Variants in UBR2 observed in about 807,000 individuals in gnomAD.
UBR2 encodes the protein ubiquitin protein ligase E3 component n-recognin 2.
In UBR2, 92 loss-of-function variants were observed where a neutral mutation model predicts 247.9. That is an observed-to-expected ratio of 0.37 (90% CI 0.31 to 0.44). The LOEUF (loss-of-function observed/expected upper bound fraction) is 0.44. Ranked by LOEUF, UBR2 falls within the 20% of genes least tolerant of loss-of-function variation. The probability of loss-of-function intolerance (pLI) is 1.00; values close to 1 mark genes in which losing one functional copy is unlikely to be tolerated. For synonymous variants in UBR2, 672 were observed against 693.5 expected (o/e 0.97, Z 0.49); for missense variants, 1,613 against 2,112.6 (o/e 0.76, Z 4.64).
At chr6:42,638,007 A>G (rs115210255) in intron 15 of UBR2, among the ~76,000 whole-genome samples, 2,805 of 152,286 alleles carry the variant, frequency 0.018, 47 homozygotes, top group Non-Finnish European at 0.03. Flanking sequence ...TCAGTAGCTT[A>G]ATGTGATGTG....
At chr6:42,569,274 A>C (rs187735831) in intron 1 of UBR2, among the ~76,000 whole-genome samples, 96 of 152,268 alleles carry the variant, frequency 6.3e-4, no homozygotes, top group African/African-American at 1.9e-3. Flanking sequence ...TTACATTCCC[A>C]CCAGTAGTGC....
intron 13 of UBR2, 103 bp from the exon 14 acceptor site, chr6:42,635,314 GT>G: frequency 8.4e-7 from 1 of 1,197,026 alleles, no homozygotes; most frequent in Non-Finnish European, 1.2e-6. Context: ...TACCTTCTAT[GT>G]TTTTATAATC....
Position 42,641,661 on chromosome 6 carries a change from G to T in UBR2, c.2000G>T (p.Trp667Leu). 1 of 1,609,416 alleles carries T rather than the reference G, an allele frequency of 6.2e-7. No individual in the cohort carries two copies. The highest frequency in any genetic ancestry group is 8.5e-7 in the Non-Finnish European group (1 of 1,178,400). Residue 667 changes from tryptophan to leucine, a missense_variant, in exon 17 of 47, where the codon TGG becomes TTG. Trp to Leu is a moderately conservative substitution (Grantham distance 61). Around this residue, in one of 3 missense-constraint regions of UBR2, gnomAD observed 1,524 missense variants for 1,967.3 expected, o/e 0.77. Transcript: ENST00000372901. ...TGTGCCCAAGTACATGCCGGAATGT[G>T]GAGAAGAAATGGGTTCTCTCTAGTA... ...VLCAQVHAGMWRRNGFSLVNQ... is the reference protein window; with the variant it reads ...VLCAQVHAGMLRRNGFSLVNQ...
intron 33 of UBR2, 69 bp from the exon 34 acceptor site, chr6:42,666,098 C>T: frequency 7.5e-7 from 1 of 1,328,182 alleles, no homozygotes; most frequent in Non-Finnish European, 1.0e-6. Context: ...ATTTCTTTGA[C>T]CTATATGGCT....
At chr6:42,641,544 T>C in intron 16 of UBR2, 38 bp from the exon 17 acceptor site, 2 of 1,513,606 alleles carry the variant, frequency 1.3e-6, no homozygotes, top group Non-Finnish European at 1.8e-6. Context: ...TGTGTGTGTT[T>C]TTTTTGTTTT....
intron 42 of UBR2, among the ~76,000 whole-genome samples, chr6:42,681,783 A>T (rs1419917576): frequency 6.6e-6 from 1 of 152,234 alleles, no homozygotes. Flanking sequence ...AGGAACTCAG[A>T]TCAATATTAT....
intron 1 of UBR2, among the ~76,000 whole-genome samples, chr6:42,565,281 G>A (rs560629722): frequency 1.3e-5 from 2 of 152,318 alleles, no homozygotes; most frequent in Admixed American, 1.3e-4. Context: ...GAATGATTAT[G>A]AATGGACCAA....
chr6:42,644,392 T>C, intron 19 of UBR2, 56 bp downstream of exon 19: 1 of 1,605,430 alleles, frequency 6.2e-7, no homozygotes. Flanking sequence ...TCTTTCCTTC[T>C]TTTTGGATAT....
At chr6:42,622,840 AT>A (rs60224579) in intron 11 of UBR2, among the ~76,000 whole-genome samples, 67,479 of 145,548 alleles carry the variant, frequency 0.46, 15,409 homozygotes, top group African/African-American at 0.55. Flanking sequence ...TGGTTTATAG[AT>A]TTTTTTTTTT....
chr6:42,564,031 A>G lies in UBR2; in HGVS notation c.-289A>G, dbSNP rs914765312. ...CCCCTTTCCTGGTGCAGGACGCGGT[A>G]GTGGCCAGCGAGAGTGTCAGGCCTG... is the stretch of plus-strand genomic sequence containing the variant. On this transcript the variant is annotated 5_prime_UTR_variant, in exon 1 of 47. Transcript: ENST00000372901. 4.3e-6 allele frequency: 2 copies of G among 460,810 alleles called. No homozygotes were observed. The highest frequency in any genetic ancestry group is 8.7e-5 in the Admixed American group (2 of 22,954). 28.5% of individuals were successfully genotyped at this position (460,810 alleles called of 1,614,324 possible).
At chr6:42,634,471 T>G (rs190910515) in intron 13 of UBR2, among the ~76,000 whole-genome samples, 8 of 152,382 alleles carry the variant, frequency 5.2e-5, no homozygotes, top group Admixed American at 5.2e-4. Context: ...TTATTTATTT[T>G]GGAGGTGGAG....
intron 38 of UBR2, 52 bp downstream of exon 38, chr6:42,674,245 C>G (rs1333361355): frequency 1.3e-6 from 2 of 1,573,116 alleles, no homozygotes; most frequent in South Asian, 1.1e-5. Flanking sequence ...TGTAACTTTA[C>G]CTTAGGTTTG....
intron 2 of UBR2, among the ~76,000 whole-genome samples, chr6:42,576,811 G>A (rs1582432018): frequency 3.9e-5 from 6 of 152,070 alleles, no homozygotes; most frequent in Admixed American, 3.3e-4. Context: ...CTGAGCCACC[G>A]TGCCCGGCCT....
At position 42,605,806 on chromosome 6, in the gene UBR2, G is replaced by A. The variant is rs1175097312; in HGVS notation, c.748G>A (p.Val250Ile). 1.9e-6 allele frequency: 3 copies of A among 1,612,924 alleles called. No homozygotes were observed. The highest frequency in any genetic ancestry group is 1.6e-4 in the Middle Eastern group (1 of 6,070). ...AGTTATTTATACTCTTCAGAAAGCT[G>A]TTAACTGTACACAAAAAGAAGCTAT... ...EQVIYTLQKA[V>I]NCTQKEAIGF... Residue 250 changes from valine to isoleucine, a missense_variant, in exon 6 of 47, where the codon GTT becomes ATT. Around this residue, in one of 3 missense-constraint regions of UBR2, gnomAD observed 1,524 missense variants for 1,967.3 expected, o/e 0.77. Transcript: ENST00000372901.
At chr6:42,653,836 C>T (rs369462618) in intron 25 of UBR2, among the ~76,000 whole-genome samples, 1 of 151,924 alleles carries the variant, frequency 6.6e-6, no homozygotes, top group Non-Finnish European at 1.5e-5. Flanking sequence ...AGGCTAGTCT[C>T]GAACTCCCAG....
chr6:42,677,380 G>A (rs1411499021), intron 40 of UBR2, among the ~76,000 whole-genome samples: 1 of 152,152 alleles, frequency 6.6e-6, no homozygotes, highest in Non-Finnish European at 1.5e-5. Context: ...AGAATCTGTA[G>A]TCAGGAACCT....
In UBR2 at chr6:42,615,982, C is replaced by A. The variant is rs1028538375; in HGVS notation, c.1094-20C>A. On this transcript the variant is annotated intron_variant, in intron 9 of 46. Transcript: ENST00000372901. ...TTGTTGGGCGTGTCCTTATCTTATA[C>A]CGTGATCTTTTTCTACAAGGTGCTA... is the stretch of plus-strand genomic sequence containing the variant. 6 of 1,540,556 alleles carry A rather than the reference C, an allele frequency of 3.9e-6. No homozygotes were observed. The highest frequency in any genetic ancestry group is 5.3e-6 in the Non-Finnish European group (6 of 1,139,532).
chr6:42,618,097 A>C (rs916527192), intron 11 of UBR2, among the ~76,000 whole-genome samples: 15 of 152,230 alleles, frequency 9.9e-5, no homozygotes, highest in Non-Finnish European at 1.5e-4. Context: ...ATGTAACAGT[A>C]AACAATAACA....
Position 42,692,207 on chromosome 6 carries a change from C to G in UBR2, c.*1034C>G, listed in dbSNP as rs1298282240. ...CCCTAATGTTTCAGACAGTGATATT[C>G]TCTTGTTATTTCTAAGGCTAAATTG... On this transcript the variant is annotated 3_prime_UTR_variant, in exon 47 of 47. Transcript: ENST00000372901. 2.0e-5 allele frequency: 3 copies of G among 152,008 alleles called. No homozygotes were observed. Among genetic ancestry groups the G allele is most frequent in the Non-Finnish European group, 4.4e-5 (3 of 68,006 alleles). 9.4% of individuals were successfully genotyped at this position (152,008 alleles called of 1,614,324 possible).
Sources: gnomAD v4.1 joint callset for allele counts (sites outside exome capture counted in the v4.1 genomes callset) on GRCh38, gnomAD v4.1.1 for gene constraint, gnomAD v4.1.1 regional missense constraint, MANE v1.5 for transcripts, NCBI Gene and HGNC (gene_info 2026-07-23, HGNC 2026-07-21) for gene names.